ARAP2: variants seen among roughly 807,000 people sequenced by gnomAD.
ARAP2 encodes the protein ArfGAP with RhoGAP domain, ankyrin repeat and PH domain 2.
In ARAP2, 148 loss-of-function variants were observed where a neutral mutation model predicts 194.5. That is an observed-to-expected ratio of 0.76 (90% CI 0.67 to 0.87). The LOEUF is 0.87. Among genes scored for constraint, ARAP2 ranks in the 40% least tolerant of loss-of-function variants. The pLI is 0.00. For missense variants in ARAP2, 2,128 were observed against 1,989.7 expected (o/e 1.07, Z -1.32); for synonymous variants, 695 against 683.5 (o/e 1.02, Z -0.26).
At chr4:36,105,694 T>C (rs1718214081) in intron 27 of ARAP2, among the ~76,000 whole-genome samples, 1 of 151,950 alleles carries the variant, frequency 6.6e-6, no homozygotes, top group Non-Finnish European at 1.5e-5. Flanking sequence ...CTTGTTGGGT[T>C]GTTTGCCACC....
intron 19 of ARAP2, among the ~76,000 whole-genome samples, chr4:36,143,179 C>T (rs1728756779): frequency 6.6e-6 from 1 of 151,762 alleles, no homozygotes; most frequent in South Asian, 2.1e-4. Flanking sequence ...GGTTCATAAC[C>T]TCACATTCTT....
chr4:36,203,993 C>G (rs1744998135), intron 6 of ARAP2, among the ~76,000 whole-genome samples: 1 of 151,916 alleles, frequency 6.6e-6, no homozygotes, highest in Admixed American at 6.5e-5. Flanking sequence ...AAAGAACAGT[C>G]AAAAGAACAT....
intron 6 of ARAP2, among the ~76,000 whole-genome samples, chr4:36,198,579 A>G (rs1413933914): frequency 6.6e-6 from 1 of 152,140 alleles, no homozygotes; most frequent in Non-Finnish European, 1.5e-5. Flanking sequence ...CCTCCCTCCC[A>G]TGCTCATCAG....
In ARAP2 at chr4:36,014,354, GAAAGA is replaced by G. The variant is rs1715363030; in HGVS notation, n.1056+1027_1056+1031del. 4.3e-5 allele frequency among the ~76,000 whole-genome samples: 6 copies of G among 139,942 alleles called. No individual in the cohort carries two copies. In the East Asian group the frequency reaches 1.2e-3, roughly 27 times the overall value. The allele number at this position is 139,942 out of a possible 152,430, so 91.8% of individuals were successfully genotyped here. On this transcript the variant is annotated intron_variant and non_coding_transcript_variant, in intron 8 of 12. Coordinates refer to the ARAP2 transcript ENST00000503225. ...AGAAAGAAAGAAAGAAAGAAAGAAA[GAAAGA>G]AAGAAAGAAAGAAAGAAAGAAAGAA...
intron 14 of ARAP2, 107 bp from the exon 15 acceptor site, chr4:36,158,971 A>C (rs932553208): frequency 9.2e-7 from 1 of 1,084,826 alleles, no homozygotes; most frequent in Non-Finnish European, 1.3e-6. Flanking sequence ...ACTACTTCAA[A>C]TTTACCAAAG....
At chr4:36,243,433 C>G (rs1297983065) in intron 1 of ARAP2, among the ~76,000 whole-genome samples, 1 of 137,736 alleles carries the variant, frequency 7.3e-6, no homozygotes, top group Non-Finnish European at 1.5e-5. Flanking sequence ...TACCTACTTA[C>G]AACACCCTAA....
At chr4:36,058,434 T>C (rs1490945623) in intron 1 of ARAP2, among the ~76,000 whole-genome samples, 1 of 152,174 alleles carries the variant, frequency 6.6e-6, no homozygotes, top group Non-Finnish European at 1.5e-5. Flanking sequence ...GAGCAAAGAC[T>C]AGATTTTCAA....
intron 9 of ARAP2, among the ~76,000 whole-genome samples, chr4:36,174,921 C>A (rs564755114): frequency 6.6e-6 from 1 of 152,296 alleles, no homozygotes; most frequent in Non-Finnish European, 1.5e-5. Flanking sequence ...CACCTCTAGC[C>A]ATTGTCTGTT....
At chr4:36,201,222 T>C (rs956492303) in intron 6 of ARAP2, among the ~76,000 whole-genome samples, 4 of 152,198 alleles carry the variant, frequency 2.6e-5, no homozygotes, top group African/African-American at 9.7e-5. Context: ...GAGGCAGTGG[T>C]TGCTTAAATA....
intron 26 of ARAP2, among the ~76,000 whole-genome samples, chr4:36,111,530 CT>C (rs1333549689): frequency 3.3e-5 from 5 of 152,040 alleles, no homozygotes; most frequent in Admixed American, 3.3e-4. Context: ...TGACACATTT[CT>C]TTGTTTATAC....
chr4:36,136,127 C>T (rs934534547), intron 19 of ARAP2, among the ~76,000 whole-genome samples: 24 of 151,782 alleles, frequency 1.6e-4, no homozygotes, highest in Admixed American at 1.2e-3. Flanking sequence ...CTCTCTGATG[C>T]TTACCTAAAA....
chr4:36,142,763 C>T (rs1453245744), intron 19 of ARAP2, among the ~76,000 whole-genome samples: 1 of 151,698 alleles, frequency 6.6e-6, no homozygotes. Context: ...GATGTATAGT[C>T]ATCAAAGCTC....
At chr4:36,112,934 T>TA (rs1324263985) in intron 26 of ARAP2, among the ~76,000 whole-genome samples, 1 of 151,548 alleles carries the variant, frequency 6.6e-6, no homozygotes, top group Admixed American at 6.6e-5. Flanking sequence ...CTAATAATAA[T>TA]AAAAAATAAA....
At chr4:36,055,022 G>T (rs1723263824) in intron 2 of ARAP2, among the ~76,000 whole-genome samples, 2 of 152,126 alleles carry the variant, frequency 1.3e-5, no homozygotes, top group South Asian at 4.1e-4. Context: ...GTGATTGCAG[G>T]TTATGTCTTT....
intron 27 of ARAP2, among the ~76,000 whole-genome samples, chr4:36,094,220 G>A (rs1011046028): frequency 1.3e-4 from 20 of 152,026 alleles, no homozygotes; most frequent in Non-Finnish European, 2.2e-4. Flanking sequence ...TCAAAAGTTT[G>A]ATGACACATG....
At chr4:36,039,350 C>T (rs1047359729) in intron 5 of ARAP2, among the ~76,000 whole-genome samples, 2 of 152,324 alleles carry the variant, frequency 1.3e-5, no homozygotes, top group East Asian at 1.9e-4. Flanking sequence ...TACTAGTCAT[C>T]TGGTTTAAAA....
At chr4:36,135,906 ATATGAG>A (rs1726591340) in intron 19 of ARAP2, among the ~76,000 whole-genome samples, 1 of 151,814 alleles carries the variant, frequency 6.6e-6, no homozygotes, top group African/African-American at 2.4e-5. Flanking sequence ...CCCTCCTACA[ATATGAG>A]TATAATTCTG....
intron 9 of ARAP2, among the ~76,000 whole-genome samples, chr4:36,171,333 T>C (rs1194065869): frequency 2.0e-5 from 3 of 152,086 alleles, no homozygotes; most frequent in Non-Finnish European, 4.4e-5. Context: ...TGGAATACTA[T>C]GCAGCCATAA....
At chr4:36,016,558 T>C (rs542578000) in intron 6 of ARAP2, among the ~76,000 whole-genome samples, 3 of 152,188 alleles carry the variant, frequency 2.0e-5, no homozygotes, top group African/African-American at 7.2e-5. Context: ...TGTGTTTGCA[T>C]AGAATATCTT....
Sources: allele counts gnomAD v4.1 joint callset (sites outside exome capture counted in the v4.1 genomes callset), GRCh38; gene constraint gnomAD v4.1.1; transcripts MANE v1.5; gene names NCBI Gene and HGNC (gene_info 2026-07-23, HGNC 2026-07-21).